TMCC3: variants seen among roughly 807,000 people sequenced by gnomAD.
TMCC3 encodes transmembrane and coiled-coil domain family 3.
TMCC3 carries 28 observed loss-of-function variants against 40.2 expected under a neutral mutation model. The ratio of observed to expected loss-of-function variants is 0.70; its 90% CI spans 0.52 to 0.95. The LOEUF (loss-of-function observed/expected upper bound fraction) is 0.95. TMCC3 is among the 40% of genes least tolerant of loss of function. The pLI is 0.00. For missense variants in TMCC3, 554 were observed against 615.2 expected, an observed-to-expected ratio of 0.90 and a Z score of 1.05; for synonymous variants, 255 against 248.5, an observed-to-expected ratio of 1.03 and a Z score of -0.25.
intron 1 of TMCC3, among the ~76,000 whole-genome samples, chr12:94,612,586 G>C (rs2138860710): frequency 6.6e-6 from 1 of 152,324 alleles, no homozygotes; most frequent in South Asian, 2.1e-4. Context: ...TGGGATTACA[G>C]GCGTGAGCCA....
chr12:94,607,116 G>A (rs190006183), intron 1 of TMCC3, among the ~76,000 whole-genome samples: 87 of 152,260 alleles, frequency 5.7e-4, no homozygotes, highest in African/African-American at 1.5e-3. Context: ...ATAATTCAGC[G>A]ATACCCTCTT....
intron 1 of TMCC3, among the ~76,000 whole-genome samples, chr12:94,637,325 T>C (rs141060439): frequency 2.0e-4 from 30 of 152,366 alleles, no homozygotes; most frequent in African/African-American, 7.2e-4. Context: ...TCTGTAGAGC[T>C]GTAATTATTT....
chr12:94,613,267 A>C (rs1265423844), intron 1 of TMCC3, among the ~76,000 whole-genome samples: 1 of 151,672 alleles, frequency 6.6e-6, no homozygotes, highest in Non-Finnish European at 1.5e-5. Flanking sequence ...GTTCGAGATC[A>C]ACATGGGTAA....
intron 1 of TMCC3, among the ~76,000 whole-genome samples, chr12:94,636,182 G>A (rs1267022069): frequency 6.6e-6 from 1 of 152,020 alleles, no homozygotes; most frequent in African/African-American, 2.4e-5. Context: ...AATTGCCCTG[G>A]GATAACTGTA....
intron 1 of TMCC3, among the ~76,000 whole-genome samples, chr12:94,636,485 C>A (rs2651976): frequency 0.53 from 80,362 of 152,076 alleles, 21,435 homozygotes; most frequent in Middle Eastern, 0.56. Context: ...ATGATTCCCA[C>A]GATGGTACCC....
intron 1 of TMCC3, among the ~76,000 whole-genome samples, chr12:94,601,808 CAAAAAAAAAAAAAA>C (rs61372290): frequency 1.2e-4 from 9 of 76,730 alleles, no homozygotes; most frequent in Admixed American, 3.2e-4. Context: ...GACCTGGTCT[CAAAAAAAAAAAAAA>C]AAAAAAAAAA....
chr12:94,615,589 G>C (rs990561911), intron 1 of TMCC3, among the ~76,000 whole-genome samples: 2 of 152,240 alleles, frequency 1.3e-5, no homozygotes, highest in Non-Finnish European at 2.9e-5. Flanking sequence ...CTCCCAGGGA[G>C]GTGGGAGGAG....
chr12:94,582,582 G>C lies in TMCC3; in HGVS notation c.79-44C>G, dbSNP rs1220839789. 3.3e-6 allele frequency: 5 copies of C among 1,504,716 alleles called. No individual in the cohort carries two copies. The African/African-American group carries it at 4.2e-5, about 13-fold the overall frequency. The allele number at this position is 1,504,716 out of a possible 1,614,324, so 93.2% of individuals were successfully genotyped here. ...AAGCACATTAAAATTTGAAGTCAAA[G>C]AGATAATTACTGTGACAGAATCTAT... is the stretch of plus-strand genomic sequence containing the variant. On this transcript the variant is annotated intron_variant, in intron 1 of 3. Transcript: ENST00000261226.
rs540966248 is a variant in TMCC3, at chr12:94,581,802, G to A, written c.815C>T (p.Ser272Leu). 1.2e-5 allele frequency: 20 copies of A among 1,614,062 alleles called. No homozygotes were observed. The highest frequency in any genetic ancestry group is 6.6e-5 in the South Asian group (6 of 91,072). ...SGSADSNGNQ[S>L]FGAGGASTLD... ...TGTGCTGGCTCCACCAGCCCCAAAC[G>A]ACTGGTTTCCGTTACTGTCGGCCGA... is the stretch of plus-strand genomic sequence containing the variant. The change falls in exon 2 of 4, where the codon TCG (serine) becomes TTG (leucine). Residue 272 changes from serine to leucine, a missense_variant. Transcript: ENST00000261226.
At chr12:94,629,499 C>T (rs1023695552) in intron 1 of TMCC3, among the ~76,000 whole-genome samples, 16 of 152,174 alleles carry the variant, frequency 1.1e-4, no homozygotes, top group Non-Finnish European at 2.2e-4. Flanking sequence ...ATCTCAGGGC[C>T]TCGCACAGTG....
At chr12:94,596,896 T>C (rs1330491073) in intron 1 of TMCC3, among the ~76,000 whole-genome samples, 1 of 152,082 alleles carries the variant, frequency 6.6e-6, no homozygotes, top group East Asian at 1.9e-4. Flanking sequence ...GAATGGTTCA[T>C]GGCTTGTGAC....
chr12:94,588,266 G>C (rs1314067164), intron 1 of TMCC3, among the ~76,000 whole-genome samples: 4 of 152,122 alleles, frequency 2.6e-5, no homozygotes, highest in Non-Finnish European at 5.9e-5. Context: ...GAACCAAAAA[G>C]GAAGGGTACC....
rs373000102 is a variant in TMCC3, at chr12:94,593,423, G to GAAGAAGAAGAA, written c.79-10886_79-10885insTTCTTCTTCTT. Among the ~76,000 whole-genome samples, 16 of 22,590 alleles carry GAAGAAGAAGAA rather than the reference G, an allele frequency of 7.1e-4. 2 individuals carry two copies. Among genetic ancestry groups the GAAGAAGAAGAA allele is most frequent in the African/African-American group, 1.1e-3 (7 of 6,238 alleles). 14.8% of individuals were successfully genotyped at this position (22,590 alleles called of 152,430 possible). On this transcript the variant is annotated intron_variant, in intron 1 of 3. Transcript: ENST00000261226. The stretch of plus-strand genomic sequence containing the variant: ...AAAGAAGAAGAAGGAAGAAGAAGAA[G>GAAGAAGAAGAA]GAAGAAGAAGGAGAAGGAGAAGGAG...
intron 1 of TMCC3, among the ~76,000 whole-genome samples, chr12:94,648,716 G>A (rs1482590850): frequency 6.6e-6 from 1 of 152,212 alleles, no homozygotes; most frequent in Admixed American, 6.5e-5. Flanking sequence ...TACAGGTTAT[G>A]AAGAGTGAGT....
intron 1 of TMCC3, among the ~76,000 whole-genome samples, chr12:94,627,137 T>A (rs1194138040): frequency 1.3e-5 from 2 of 152,280 alleles, no homozygotes; most frequent in East Asian, 3.9e-4. Flanking sequence ...ATTACAGGTG[T>A]GAGCCACCAC....
At chr12:94,610,354 A>G (rs1269970580) in intron 1 of TMCC3, among the ~76,000 whole-genome samples, 2 of 152,148 alleles carry the variant, frequency 1.3e-5, no homozygotes, top group African/African-American at 2.4e-5. Context: ...CACCACAAGG[A>G]AAGAAGGGCT....
intron 1 of TMCC3, among the ~76,000 whole-genome samples, chr12:94,629,574 C>G (rs563005115): frequency 6.6e-6 from 1 of 152,190 alleles, no homozygotes; most frequent in African/African-American, 2.4e-5. Flanking sequence ...CCTCCCCTTA[C>G]ATTTTCTACT....
intron 1 of TMCC3, among the ~76,000 whole-genome samples, chr12:94,588,517 T>A (rs1413136764): frequency 6.6e-6 from 1 of 152,162 alleles, no homozygotes; most frequent in Non-Finnish European, 1.5e-5. Context: ...GCCTCAGGCA[T>A]TACAAGAAAA....
At chr12:94,639,668 A>AACACACAC (rs3073591) in intron 1 of TMCC3, among the ~76,000 whole-genome samples, 15,893 of 123,870 alleles carry the variant, frequency 0.13, 1,161 homozygotes, top group African/African-American at 0.15. Context: ...CATATATGTA[A>AACACACAC]ACACACACAC....
Sources: gnomAD v4.1 joint callset for allele counts (sites outside exome capture counted in the v4.1 genomes callset) on GRCh38, gnomAD v4.1.1 for gene constraint, MANE v1.5 for transcripts, NCBI Gene and HGNC (gene_info 2026-07-23, HGNC 2026-07-21) for gene names.